WIF1: variants seen among roughly 807,000 people sequenced by gnomAD.
WIF1 encodes the protein Wnt inhibitory factor 1.
WIF1 carries 35 observed loss-of-function variants against 53.5 expected under a neutral mutation model. That is an observed-to-expected ratio of 0.65 (90% CI 0.50 to 0.87). WIF1 has a LOEUF of 0.87. Ranked by LOEUF, WIF1 falls within the 40% of genes least tolerant of loss-of-function variation. WIF1 has a pLI of 0.00. For synonymous variants in WIF1, 171 were observed against 170.4 expected, an observed-to-expected ratio of 1.00 and a Z score of -0.03; for missense variants, 467 against 476.8, an observed-to-expected ratio of 0.98 and a Z score of 0.19.
In WIF1 at chr12:65,051,113, A is replaced by G. The variant is rs1882433386; in HGVS notation, c.*236T>C. On this transcript the variant is annotated 3_prime_UTR_variant, in exon 10 of 10. Coordinates refer to ENST00000286574, the MANE Select transcript of WIF1 (RefSeq NM_007191.5). ...GAAAATTTTAACCTGATCAATTGAC[A>G]TAATATAAAATCTGTCCCAAAGCAC... is the stretch of plus-strand genomic sequence containing the variant. The G allele has an allele frequency of 7.8e-6, 3 of 383,364 alleles. No homozygotes were observed. The highest frequency in any genetic ancestry group is 2.1e-5 in the African/African-American group (1 of 48,462). 23.7% of individuals were successfully genotyped at this position (383,364 alleles called of 1,614,324 possible).
intron 3 of WIF1, among the ~76,000 whole-genome samples, chr12:65,071,569 A>G (rs974342494): frequency 6.6e-6 from 1 of 152,178 alleles, no homozygotes; most frequent in African/African-American, 2.4e-5. Flanking sequence ...TCCTTCTTAT[A>G]GTTTTTAAAG....
intron 2 of WIF1, among the ~76,000 whole-genome samples, chr12:65,102,120 T>C (rs1384837578): frequency 2.0e-5 from 3 of 152,248 alleles, no homozygotes; most frequent in Non-Finnish European, 4.4e-5. Flanking sequence ...AAGAGTTTAG[T>C]TGATCAAGAT....
intron 7 of WIF1, among the ~76,000 whole-genome samples, chr12:65,056,764 C>T (rs1442349815): frequency 6.6e-6 from 1 of 151,994 alleles, no homozygotes; most frequent in Non-Finnish European, 1.5e-5. Context: ...ATTCTCCTGC[C>T]TCATCCTCCA....
chr12:65,107,441 T>G (rs528809707), intron 2 of WIF1, among the ~76,000 whole-genome samples: 2 of 152,130 alleles, frequency 1.3e-5, no homozygotes, highest in African/African-American at 4.8e-5. Context: ...CTGGCTAACA[T>G]GCTGAAACCC....
intron 2 of WIF1, among the ~76,000 whole-genome samples, chr12:65,092,512 A>ATG (rs1289573235): frequency 6.7e-5 from 10 of 149,836 alleles, no homozygotes; most frequent in Non-Finnish European, 3.0e-5. Context: ...ATGTGTGTAT[A>ATG]TATATATATA....
chr12:65,116,413 CT>C (rs1259920529), intron 2 of WIF1, among the ~76,000 whole-genome samples: 1 of 151,848 alleles, frequency 6.6e-6, no homozygotes, highest in Non-Finnish European at 1.5e-5. Flanking sequence ...GGTTATGCAC[CT>C]TTTATGAGAA....
intron 5 of WIF1, 49 bp from the exon 6 acceptor site, chr12:65,066,785 A>G (rs1429346598): frequency 7.0e-7 from 1 of 1,429,024 alleles, no homozygotes; most frequent in Non-Finnish European, 9.5e-7. Context: ...ATTTTGGAGC[A>G]GGACCATTTT....
At chr12:65,106,449 G>C (rs566076066) in intron 2 of WIF1, among the ~76,000 whole-genome samples, 2 of 150,420 alleles carry the variant, frequency 1.3e-5, no homozygotes, top group South Asian at 2.1e-4. Context: ...GATGTGCCTC[G>C]GCCCCCCAGT....
chr12:65,092,534 C>G (rs12312812), intron 2 of WIF1, among the ~76,000 whole-genome samples: 4,606 of 147,496 alleles, frequency 0.031, 248 homozygotes, highest in African/African-American at 0.11. Context: ...GCATGGTATG[C>G]GATTGCTGTT....
chr12:65,120,776 A>G, intron 1 of WIF1: 1 of 773,316 alleles, frequency 1.3e-6, no homozygotes, highest in Non-Finnish European at 1.9e-6. Flanking sequence ...ATGGACATGG[A>G]GTTAACCGAC....
chr12:65,113,046 C>A (rs554769178), intron 2 of WIF1, among the ~76,000 whole-genome samples: 2 of 152,278 alleles, frequency 1.3e-5, no homozygotes, highest in East Asian at 3.9e-4. Context: ...GGGTTTATTT[C>A]TCTTTGTATG....
At chr12:65,092,298 T>C (rs1206941006) in intron 2 of WIF1, among the ~76,000 whole-genome samples, 2 of 150,348 alleles carry the variant, frequency 1.3e-5, no homozygotes, top group Non-Finnish European at 3.0e-5. Flanking sequence ...GGTGGGGGGC[T>C]AGGGGAAGGA....
At chr12:65,062,372 A>T in intron 7 of WIF1, 109 bp downstream of exon 7, 1 of 941,198 alleles carries the variant, frequency 1.1e-6, no homozygotes. Context: ...ACCTTAGACA[A>T]GTTATTCATT....
chr12:65,081,920 C>G (rs1011354773), intron 2 of WIF1, among the ~76,000 whole-genome samples: 1 of 151,758 alleles, frequency 6.6e-6, no homozygotes, highest in African/African-American at 2.4e-5. Flanking sequence ...AATTGACTAA[C>G]CTTTTATCTC....
At chr12:65,054,311 G>T (rs1404219133) in intron 9 of WIF1, among the ~76,000 whole-genome samples, 1 of 152,082 alleles carries the variant, frequency 6.6e-6, no homozygotes, top group Admixed American at 6.5e-5. Flanking sequence ...AGTTCTAGCT[G>T]CCAGAAATGC....
chr12:65,093,207 G>A (rs1883151270), intron 2 of WIF1, among the ~76,000 whole-genome samples: 1 of 152,156 alleles, frequency 6.6e-6, no homozygotes, highest in Non-Finnish European at 1.5e-5. Context: ...AAGTAGCCTA[G>A]TGGTAGGTTT....
At chr12:65,079,621 G>A (rs1358974193) in intron 2 of WIF1, among the ~76,000 whole-genome samples, 7 of 135,572 alleles carry the variant, frequency 5.2e-5, no homozygotes, top group African/African-American at 1.8e-4. Flanking sequence ...GTGAGACTCT[G>A]TCTCAAAAAA....
At chr12:65,089,364 C>T (rs932882318) in intron 2 of WIF1, among the ~76,000 whole-genome samples, 4 of 152,114 alleles carry the variant, frequency 2.6e-5, no homozygotes, top group Non-Finnish European at 4.4e-5. Flanking sequence ...AATATTATGA[C>T]CAAAATTCAG....
chr12:65,077,390 CT>C (rs1381349812), intron 3 of WIF1, among the ~76,000 whole-genome samples: 1 of 152,014 alleles, frequency 6.6e-6, no homozygotes, highest in Admixed American at 6.6e-5. Context: ...CAATCACTTA[CT>C]TTGTATCTTT....
Sources: gnomAD v4.1 joint callset for allele counts (sites outside exome capture counted in the v4.1 genomes callset) on GRCh38, gnomAD v4.1.1 for gene constraint, MANE v1.5 for transcripts, NCBI Gene and HGNC (gene_info 2026-07-23, HGNC 2026-07-21) for gene names.